KCNMB4: variants seen among roughly 807,000 people sequenced by gnomAD.
KCNMB4 encodes the protein potassium calcium-activated channel subfamily M regulatory beta subunit 4, also known as calcium-activated potassium channel subunit beta-4.
Under a neutral mutation model 20.7 loss-of-function variants are expected in KCNMB4, and 3 were observed. The observed-to-expected ratio is 0.14, with a 90% CI of 0.07 to 0.37. The LOEUF is 0.37. Ranked by LOEUF, KCNMB4 falls within the 10% of genes least tolerant of loss-of-function variation. The pLI is 1.00. For missense variants in KCNMB4, 168 were observed against 265.9 expected (o/e 0.63, Z 2.56); for synonymous variants, 110 against 113.4 (o/e 0.97, Z 0.19).
At chr12:70,423,201 A>G (rs1284430663) in intron 2 of KCNMB4, among the ~76,000 whole-genome samples, 1 of 152,178 alleles carries the variant, frequency 6.6e-6, no homozygotes, top group Non-Finnish European at 1.5e-5. Flanking sequence ...TATCCTGCCA[A>G]AACTGAATGC....
intron 1 of KCNMB4, among the ~76,000 whole-genome samples, chr12:70,389,419 C>T (rs1170159825): frequency 3.3e-5 from 5 of 152,144 alleles, no homozygotes; most frequent in African/African-American, 1.2e-4. Flanking sequence ...CTTAGCCAGG[C>T]ATGGTGGCTC....
intron 1 of KCNMB4, among the ~76,000 whole-genome samples, chr12:70,372,626 G>A (rs1043555231): frequency 6.6e-6 from 1 of 152,216 alleles, no homozygotes; most frequent in African/African-American, 2.4e-5. Flanking sequence ...AAAACTAAAG[G>A]AATAGTAGGT....
chr12:70,383,840 G>C (rs1394536272), intron 1 of KCNMB4, among the ~76,000 whole-genome samples: 1 of 152,176 alleles, frequency 6.6e-6, no homozygotes, highest in Non-Finnish European at 1.5e-5. Context: ...AGGCCAAGTT[G>C]GGTGGATCAC....
chr12:70,406,846 G>T (rs938904350), intron 2 of KCNMB4, among the ~76,000 whole-genome samples: 1 of 152,184 alleles, frequency 6.6e-6, no homozygotes, highest in African/African-American at 2.4e-5. Context: ...TCCTCCAGAA[G>T]TGTGAGGTCT....
intron 1 of KCNMB4, among the ~76,000 whole-genome samples, chr12:70,399,318 T>G (rs1868394635): frequency 6.6e-6 from 1 of 152,240 alleles, no homozygotes; most frequent in Non-Finnish European, 1.5e-5. Context: ...AAGAGTAGAA[T>G]GTGGTAAGAC....
intron 1 of KCNMB4, among the ~76,000 whole-genome samples, chr12:70,384,620 C>T (rs1234986739): frequency 7.2e-5 from 11 of 152,190 alleles, no homozygotes; most frequent in Non-Finnish European, 7.3e-5. Flanking sequence ...TGTAGTGGCT[C>T]ATGCCTGTAA....
chr12:70,433,249 C>T lies in KCNMB4; in HGVS notation c.*2596C>T, dbSNP rs1869414638. The stretch of plus-strand genomic sequence containing the variant: ...ATAAATCAGAAAATGATCTAAACTG[C>T]TGTAACAAAGAGACCCCAAAATATG... On this transcript the variant is annotated 3_prime_UTR_variant, in exon 3 of 3. Transcript: ENST00000258111. 6.6e-6 allele frequency: 1 copy of T among 152,096 alleles called. No homozygotes were observed. Among genetic ancestry groups the T allele is most frequent in the Non-Finnish European group, 1.5e-5 (1 of 68,022 alleles). 9.4% of individuals were successfully genotyped at this position (152,096 alleles called of 1,614,324 possible). A position where few individuals can be genotyped will look rare whatever the true frequency, so the allele number is the denominator to read the frequency against.
At chr12:70,417,648 A>G (rs770878561) in intron 2 of KCNMB4, among the ~76,000 whole-genome samples, 8 of 152,210 alleles carry the variant, frequency 5.3e-5, no homozygotes, top group Non-Finnish European at 1.2e-4. Context: ...GATATTTGCA[A>G]TTTCAAACAA....
At chr12:70,387,805 T>A (rs1868269645) in intron 1 of KCNMB4, among the ~76,000 whole-genome samples, 1 of 152,224 alleles carries the variant, frequency 6.6e-6, no homozygotes, top group South Asian at 2.1e-4. Context: ...CAAGCATTTA[T>A]CCTTTGAGTT....
intron 1 of KCNMB4, among the ~76,000 whole-genome samples, chr12:70,386,878 C>A (rs971067530): frequency 2.0e-5 from 3 of 152,134 alleles, no homozygotes; most frequent in African/African-American, 7.2e-5. Flanking sequence ...TATCTGTACA[C>A]ATGAGAGCAC....
At chr12:70,400,720 C>T (rs1011797497) in intron 2 of KCNMB4, among the ~76,000 whole-genome samples, 1 of 152,134 alleles carries the variant, frequency 6.6e-6, no homozygotes, top group Non-Finnish European at 1.5e-5. Context: ...CCATTAAAAC[C>T]TTACTTGACT....
chr12:70,382,161 G>A lies in KCNMB4; in HGVS notation c.336+15091G>A, dbSNP rs553820083. ...AGTTTTGATGGAATAAAATTTTAAAGGTGGCCGGGCGCGGTGGCTCACGCC... is the reference window on the plus strand; with the variant it reads ...AGTTTTGATGGAATAAAATTTTAAAAGTGGCCGGGCGCGGTGGCTCACGCC... On this transcript the variant is annotated intron_variant, in intron 1 of 2. Transcript: ENST00000258111. Among the ~76,000 whole-genome samples, 289 of 152,184 alleles carry A rather than the reference G, an allele frequency of 1.9e-3. 2 individuals carry two copies. The highest frequency in any genetic ancestry group is 6.7e-3 in the African/African-American group (280 of 41,558).
intron 1 of KCNMB4, among the ~76,000 whole-genome samples, chr12:70,384,524 C>T (rs749659609): frequency 2.0e-5 from 3 of 152,302 alleles, no homozygotes; most frequent in East Asian, 1.9e-4. Context: ...GGAAACACCT[C>T]GGGATTCACT....
chr12:70,422,913 G>A (rs1869105789), intron 2 of KCNMB4: 2 of 1,024,096 alleles, frequency 2.0e-6, no homozygotes, highest in Non-Finnish European at 2.4e-6. Context: ...GTTTCCCCAG[G>A]CCTCTACTTT....
intron 1 of KCNMB4, among the ~76,000 whole-genome samples, chr12:70,391,780 G>T (rs1419698664): frequency 2.0e-5 from 3 of 152,196 alleles, no homozygotes; most frequent in African/African-American, 7.2e-5. Context: ...GATGCAAGCA[G>T]GTGCTTTATC....
chr12:70,390,713 A>G (rs1356248349), intron 1 of KCNMB4, among the ~76,000 whole-genome samples: 4 of 152,206 alleles, frequency 2.6e-5, no homozygotes, highest in Non-Finnish European at 5.9e-5. Flanking sequence ...AAATGTCAGT[A>G]TATGTTTCCT....
rs970753414 is a variant in KCNMB4 at position 70,432,310 on chromosome 12, A to G, written c.*1657A>G. 2 of 152,106 alleles carry G rather than the reference A, an allele frequency of 1.3e-5. No individual in the cohort carries two copies. The allele number at this position is 152,106 out of a possible 1,614,324, so 9.4% of individuals were successfully genotyped here. ...TCCCAAAGTGCTGGGATTACAGGCCAATGTTTTCTTAATCTTAGAATGTGA... is the reference window on the plus strand; with the variant it reads ...TCCCAAAGTGCTGGGATTACAGGCCGATGTTTTCTTAATCTTAGAATGTGA... On this transcript the variant is annotated 3_prime_UTR_variant, in exon 3 of 3. Coordinates refer to ENST00000258111, the MANE Select transcript of KCNMB4 (RefSeq NM_014505.6).
At chr12:70,368,432 C>T (rs1372901785) in intron 1 of KCNMB4, among the ~76,000 whole-genome samples, 1 of 151,190 alleles carries the variant, frequency 6.6e-6, no homozygotes, top group Admixed American at 6.6e-5. Context: ...TAAAAAATAT[C>T]AATAATACAT....
chr12:70,398,657 A>C (rs1047760519), intron 1 of KCNMB4, among the ~76,000 whole-genome samples: 1 of 152,250 alleles, frequency 6.6e-6, no homozygotes, highest in Non-Finnish European at 1.5e-5. Context: ...AAACACTGTG[A>C]AAATAATGTC....
Sources: gnomAD v4.1 joint callset for allele counts (sites outside exome capture counted in the v4.1 genomes callset) on GRCh38, gnomAD v4.1.1 for gene constraint, MANE v1.5 for transcripts, NCBI Gene and HGNC (gene_info 2026-07-23, HGNC 2026-07-21) for gene names.